GPR160: variants seen among roughly 807,000 people sequenced by gnomAD.
GPR160 encodes the protein G protein-coupled receptor 160.
Under a neutral mutation model 2.6 loss-of-function variants are expected in GPR160, and 2 were observed. The ratio of observed to expected loss-of-function variants is 0.77; its 90% CI spans 0.32 to 2.44. The LOEUF is 2.44. Ranked by LOEUF, GPR160 falls within the 30% of genes most tolerant of loss-of-function variation. The pLI, the probability that GPR160 is intolerant of heterozygous loss-of-function variation, is 0.11. For synonymous variants in GPR160, 130 were observed against 132.2 expected (o/e 0.98, Z 0.12); for missense variants, 351 against 383.6 (o/e 0.91, Z 0.71).
At chr3:170,040,002 C>G (rs1036204299) in intron 2 of GPR160, among the ~76,000 whole-genome samples, 10 of 150,978 alleles carry the variant, frequency 6.6e-5, no homozygotes, top group African/African-American at 1.7e-4. Flanking sequence ...GGCAGGGGAA[C>G]TTCAGGCACG....
chr3:170,061,838 C>G (rs989415076), intron 2 of GPR160, among the ~76,000 whole-genome samples: 2 of 151,976 alleles, frequency 1.3e-5, no homozygotes, highest in African/African-American at 4.8e-5. Context: ...TATACTATCT[C>G]TGTACATTTT....
chr3:170,040,912 G>A (rs1404669322), intron 2 of GPR160, among the ~76,000 whole-genome samples: 2 of 152,128 alleles, frequency 1.3e-5, no homozygotes, highest in Admixed American at 6.6e-5. Flanking sequence ...TCTGCATGGT[G>A]GTAACACATT....
At chr3:170,042,081 C>T (rs1716475194) in intron 2 of GPR160, among the ~76,000 whole-genome samples, 2 of 151,352 alleles carry the variant, frequency 1.3e-5, no homozygotes, top group African/African-American at 2.4e-5. Context: ...ATCTAGTCAA[C>T]AGTATTCTCC....
At position 170,084,576 on chromosome 3, in the gene GPR160, G is replaced by C; in HGVS notation, c.604G>C (p.Glu202Gln). 1 of 1,612,656 alleles carries C rather than the reference G, an allele frequency of 6.2e-7. No homozygotes were observed. The highest frequency in any genetic ancestry group is 8.5e-7 in the Non-Finnish European group (1 of 1,178,748). ...ATTTGTAGCTTTCATAACCTGTTGG[G>C]AAGAAGTTACTACTTTGGTACAGGC... ...ILFVAFITCW[E>Q]EVTTLVQAIR... Residue 202 changes from glutamate to glutamine, a missense_variant, in exon 4 of 4, where the codon GAA (glutamate) becomes CAA (glutamine). Transcript: ENST00000355897.
intron 3 of GPR160, among the ~76,000 whole-genome samples, chr3:170,080,439 T>C (rs954267841): frequency 3.3e-5 from 5 of 152,210 alleles, no homozygotes; most frequent in African/African-American, 1.2e-4. Context: ...CTTATTTTTC[T>C]TCTAGCTTTA....
At chr3:170,041,956 C>G (rs1249015971) in intron 2 of GPR160, among the ~76,000 whole-genome samples, 1 of 152,144 alleles carries the variant, frequency 6.6e-6, no homozygotes, top group African/African-American at 2.4e-5. Flanking sequence ...ATTTTAAGGA[C>G]TTACCACAAA....
At chr3:170,050,869 A>G (rs1214536705) in intron 2 of GPR160, among the ~76,000 whole-genome samples, 2 of 152,182 alleles carry the variant, frequency 1.3e-5, no homozygotes, top group Non-Finnish European at 2.9e-5. Context: ...TGAACATTTG[A>G]ATTGTTCCCA....
In GPR160 at chr3:170,041,422, C is replaced by G. The variant is rs573485209; in HGVS notation, c.-193+2379C>G. ...GTTCACGCCATTCTCCTGCCTCAGCCTCCCGAGCAGCTGGGACTACAGGCG... is the reference window on the plus strand; with the variant it reads ...GTTCACGCCATTCTCCTGCCTCAGCGTCCCGAGCAGCTGGGACTACAGGCG... On this transcript the variant is annotated intron_variant, in intron 2 of 3. Coordinates refer to ENST00000355897, the MANE Select transcript of GPR160 (RefSeq NM_014373.3). Among the ~76,000 whole-genome samples the G allele has an allele frequency of 2.6e-5, 4 of 151,934 alleles. No individual in the cohort carries two copies. In the South Asian group the frequency reaches 8.3e-4, roughly 32 times the overall value.
intron 2 of GPR160, among the ~76,000 whole-genome samples, chr3:170,074,821 T>G (rs1712775062): frequency 6.6e-6 from 1 of 152,140 alleles, no homozygotes; most frequent in South Asian, 2.1e-4. Flanking sequence ...TTTCTGCTTT[T>G]TTTTTAATCT....
rs530317291 is a variant in GPR160 at position 170,073,924 on chromosome 3, T to C, written c.-192-5850T>C. On this transcript the variant is annotated intron_variant, in intron 2 of 3. Coordinates refer to ENST00000355897, the MANE Select transcript of GPR160 (RefSeq NM_014373.3). ...TTTTTTTTGAGATGGAGTCTTACTG[T>C]GTCACCCAGGCTGGAGTGCAGTGGC... Among the ~76,000 whole-genome samples the C allele has an allele frequency of 4.9e-5, 7 of 142,638 alleles. No individual in the cohort carries two copies. In the South Asian group the frequency reaches 1.4e-3, roughly 28 times the overall value. 93.6% of individuals were successfully genotyped at this position (142,638 alleles called of 152,430 possible).
intron 2 of GPR160, among the ~76,000 whole-genome samples, chr3:170,044,903 C>G (rs375309709): frequency 6.6e-6 from 1 of 152,152 alleles, no homozygotes; most frequent in Admixed American, 6.5e-5. Flanking sequence ...CCCGCATAGT[C>G]CAGCCTTAAG....
chr3:170,069,886 G>A (rs189243210), intron 2 of GPR160, among the ~76,000 whole-genome samples: 25 of 152,172 alleles, frequency 1.6e-4, no homozygotes, highest in African/African-American at 5.1e-4. Flanking sequence ...GGGTGAGATC[G>A]AGGTGTCCCA....
intron 2 of GPR160, among the ~76,000 whole-genome samples, chr3:170,075,637 G>A (rs1712814923): frequency 6.6e-6 from 1 of 152,160 alleles, no homozygotes; most frequent in Admixed American, 6.5e-5. Context: ...GCCCATGATG[G>A]GGAAGACAAC....
intron 2 of GPR160, among the ~76,000 whole-genome samples, chr3:170,043,304 T>A (rs1411504047): frequency 2.6e-5 from 4 of 152,054 alleles, no homozygotes; most frequent in East Asian, 1.9e-4. Flanking sequence ...GCCTCAGCCT[T>A]CCACGTAGCT....
Position 170,084,580 on chromosome 3 carries a change from A to G in GPR160, c.608A>G (p.Glu203Gly). ...LFVAFITCWEEVTTLVQAIRI... is the reference protein window; with the variant it reads ...LFVAFITCWEGVTTLVQAIRI... ...GTAGCTTTCATAACCTGTTGGGAAG[A>G]AGTTACTACTTTGGTACAGGCTATC... The change falls in exon 4 of 4, where the codon GAA (glutamate) becomes GGA (glycine). Residue 203 changes from glutamate to glycine, a missense_variant. Transcript: ENST00000355897. The G allele has an allele frequency of 6.2e-7, 1 of 1,613,262 alleles. No individual in the cohort carries two copies.
rs777442445 is a variant in GPR160, at chr3:170,084,394, TTACAG to T, written c.425_429del (p.Thr142AsnfsTer76). 1.3e-4 allele frequency: 213 copies of T among 1,605,446 alleles called. No individual in the cohort carries two copies. Among genetic ancestry groups the T allele is most frequent in the Non-Finnish European group, 1.7e-4 (197 of 1,172,662 alleles). On this transcript the variant is annotated frameshift_variant, in exon 4 of 4. Transcript: ENST00000355897. LOFTEE classifies it low-confidence loss of function (END_TRUNC). ...AAGTGTCAAAAATTATTTTATTTCTTTACAGTAATTTTAATTTGGATTTCAGTCCT... is the reference window on the plus strand; with the variant it reads ...AAGTGTCAAAAATTATTTTATTTCTTTAATTTTAATTTGGATTTCAGTCCT...
intron 2 of GPR160, among the ~76,000 whole-genome samples, chr3:170,060,167 A>G (rs1711867307): frequency 1.3e-5 from 2 of 152,238 alleles, no homozygotes; most frequent in Admixed American, 1.3e-4. Context: ...GCCTGAAGGA[A>G]CCCTGACAAG....
At chr3:170,064,807 C>G (rs960246383) in intron 2 of GPR160, among the ~76,000 whole-genome samples, 1 of 152,118 alleles carries the variant, frequency 6.6e-6, no homozygotes, top group African/African-American at 2.4e-5. Flanking sequence ...CGTGAACCAC[C>G]GCACCCAGCT....
At chr3:170,064,808 G>A (rs1469006560) in intron 2 of GPR160, among the ~76,000 whole-genome samples, 2 of 152,014 alleles carry the variant, frequency 1.3e-5, no homozygotes, top group African/African-American at 4.8e-5. Flanking sequence ...GTGAACCACC[G>A]CACCCAGCTA....
Sources: allele counts gnomAD v4.1 joint callset (sites outside exome capture counted in the v4.1 genomes callset), GRCh38; gene constraint gnomAD v4.1.1; transcripts MANE v1.5; gene names NCBI Gene and HGNC (gene_info 2026-07-23, HGNC 2026-07-21).